The following USP21 variants were observed in gnomAD, a reference collection of about 807,000 sequenced individuals.
USP21 encodes ubiquitin specific peptidase 21, also known as ubiquitin carboxyl-terminal hydrolase 21.
USP21 carries 37 observed loss-of-function variants against 70.8 expected under a neutral mutation model. The ratio of observed to expected loss-of-function variants is 0.52; its 90% CI spans 0.40 to 0.69. The LOEUF is 0.69. USP21 is among the 30% of genes least tolerant of loss of function. USP21 has a pLI of 0.00. For missense variants in USP21, 584 were observed against 740.8 expected, an observed-to-expected ratio of 0.79 and a Z score of 2.46; for synonymous variants, 263 against 283.1, an observed-to-expected ratio of 0.93 and a Z score of 0.71.
chr1:161,163,797 G>A, intron 8 of USP21, 81 bp from the exon 9 acceptor site: 1 of 1,422,012 alleles, frequency 7.0e-7, no homozygotes, highest in Non-Finnish European at 9.9e-7. Context: ...AAGCAAAGGG[G>A]CAGGAAGAGA....
rs754786170 is a variant in USP21, at chr1:161,165,021, C to A, written c.1493-8C>A. On this transcript the variant is annotated splice_polypyrimidine_tract_variant and splice_region_variant and intron_variant, in intron 12 of 13. Transcript: ENST00000368002. The stretch of plus-strand genomic sequence containing the variant: ...GATTATAGAACTTGATCATCTCCAA[C>A]CCCGCAGGAAGTCCTGTATACCAGC... The A allele has an allele frequency of 1.2e-6, 2 of 1,613,908 alleles. No individual in the cohort carries two copies. Among genetic ancestry groups the A allele is most frequent in the Non-Finnish European group, 1.7e-6 (2 of 1,179,828 alleles).
rs759996506 is a variant in USP21, at chr1:161,162,107, A to G, written c.660+10A>G. 25 of 1,613,810 alleles carry G rather than the reference A, an allele frequency of 1.5e-5. No homozygotes were observed. In the African/African-American group the frequency reaches 2.0e-4, roughly 13 times the overall value. ...AAACCTGGGAAACACGGTGAGAGCT[A>G]TTCTCCTATCTTTCCTCTCTAAAAG... is the stretch of plus-strand genomic sequence containing the variant. On this transcript the variant is annotated intron_variant, in intron 4 of 13. Coordinates refer to ENST00000368002, the MANE Select transcript of USP21 (RefSeq NM_001014443.3). The surrounding 1 kb of genome is among the most constrained non-coding windows in gnomAD (Gnocchi z 4.1).
Position 161,164,994 on chromosome 1 carries a change from C to G in USP21, c.1493-35C>G. On this transcript the variant is annotated intron_variant, in intron 12 of 13. Transcript: ENST00000368002. The surrounding 1 kb of genome is among the most constrained non-coding windows in gnomAD (Gnocchi z 4.2). ...GAGCCAAAGGAGTGGGGGCACAGCT[C>G]TGATTATAGAACTTGATCATCTCCA... The G allele has an allele frequency of 6.2e-7, 1 of 1,613,192 alleles. No individual in the cohort carries two copies. Among genetic ancestry groups the G allele is most frequent in the Non-Finnish European group, 8.5e-7 (1 of 1,179,236 alleles).
At chr1:161,163,173 G>C in intron 7 of USP21, 99 bp downstream of exon 7, 1 of 1,400,706 alleles carries the variant, frequency 7.1e-7, no homozygotes, top group Non-Finnish European at 9.7e-7. Flanking sequence ...TAGGGTCCAG[G>C]GAAACCCTTT....
In USP21 at chr1:161,164,306, T is replaced by C; in HGVS notation, c.1305+56T>C. 4 of 1,534,864 alleles carry C rather than the reference T, an allele frequency of 2.6e-6. No homozygotes were observed. Among genetic ancestry groups the C allele is most frequent in the Non-Finnish European group, 3.6e-6 (4 of 1,108,232 alleles). On this transcript the variant is annotated intron_variant, in intron 10 of 13. Coordinates refer to ENST00000368002, the MANE Select transcript of USP21 (RefSeq NM_001014443.3). This position sits in a 1 kb window ranked among gnomAD's most constrained non-coding sequence, Gnocchi z 4.2. ...GGGTGGGAGACCTGGGGGGACTCCA[T>C]GTGGATAAAAGGGATTGCATGATGT... is the stretch of plus-strand genomic sequence containing the variant.
In USP21 at chr1:161,162,575, C is replaced by G; in HGVS notation, c.782-40C>G. ...CCACCTTTTGCTTGCCTCTTCCAGA[C>G]ATTAACCTTTGTTTGCCTTCCCCAC... On this transcript the variant is annotated intron_variant, in intron 5 of 13. Coordinates refer to ENST00000368002, the MANE Select transcript of USP21 (RefSeq NM_001014443.3). This position sits in a 1 kb window ranked among gnomAD's most constrained non-coding sequence, Gnocchi z 4.1. The G allele has an allele frequency of 6.4e-7, 1 of 1,559,480 alleles. No homozygotes were observed. Among genetic ancestry groups the G allele is most frequent in the Non-Finnish European group, 8.8e-7 (1 of 1,130,846 alleles).
chr1:161,160,380 A>G lies in USP21; in HGVS notation c.-148A>G. The G allele has an allele frequency of 1.8e-6, 1 of 557,012 alleles. No individual in the cohort carries two copies. The allele number at this position is 557,012 out of a possible 1,614,324, so 34.5% of individuals were successfully genotyped here. On this transcript the variant is annotated 5_prime_UTR_variant, in exon 2 of 14. An upstream start codon of the reference 5' UTR is lost. Coordinates refer to ENST00000368002, the MANE Select transcript of USP21 (RefSeq NM_001014443.3). The stretch of plus-strand genomic sequence containing the variant: ...CACGATGCCAGGTACTGGGGATACG[A>G]TGGCTGATTCGATAGATCTGGTTCC...
Position 161,161,345 on chromosome 1 carries a change from C to T in USP21, c.600+105C>T, listed in dbSNP as rs1009741486. 6 of 1,396,324 alleles carry T rather than the reference C, an allele frequency of 4.3e-6. No individual in the cohort carries two copies. Among genetic ancestry groups the T allele is most frequent in the Non-Finnish European group, 5.8e-6 (6 of 1,038,474 alleles). 86.5% of individuals were successfully genotyped at this position (1,396,324 alleles called of 1,614,324 possible). The stretch of plus-strand genomic sequence containing the variant: ...CATTTCCCTGAAGTTCCTTTCTCAG[C>T]CCTTCATTACAGCAGTTTGGACATG... On this transcript the variant is annotated intron_variant, in intron 3 of 13. Transcript: ENST00000368002. This position sits in a 1 kb window ranked among gnomAD's most constrained non-coding sequence, Gnocchi z 4.2.
chr1:161,165,199 T>C, intron 13 of USP21, 56 bp downstream of exon 13: 1 of 1,520,618 alleles, frequency 6.6e-7, no homozygotes, highest in South Asian at 1.1e-5. Context: ...CCTGACACCC[T>C]CCCCTTCTAT....
At position 161,163,598 on chromosome 1, in the gene USP21, C is replaced by T. The variant is rs1165785436; in HGVS notation, c.1093C>T (p.Arg365Ter). 2 of 1,607,780 alleles carry T rather than the reference C, an allele frequency of 1.2e-6. No homozygotes were observed. Among genetic ancestry groups the T allele is most frequent in the Non-Finnish European group, 1.7e-6 (2 of 1,179,160 alleles). ...ANLMWKRYLE[R>*]EDSKIVDLFV... ...CCTAATGTGGAAACGTTACCTGGAG[C>T]GAGAGGACAGCAAGATTGTGGGTAT... The change falls in exon 8 of 14, where the codon CGA (arginine) becomes TGA (stop). Residue 365 changes from arginine (R) to a stop codon, truncating the protein, a stop_gained. Transcript: ENST00000368002. LOFTEE classifies it high-confidence loss of function.
intron 7 of USP21, 102 bp from the exon 8 acceptor site, chr1:161,163,453 G>A: frequency 1.5e-5 from 16 of 1,044,918 alleles, no homozygotes; most frequent in South Asian, 7.9e-5. Flanking sequence ...GCAGGGGTGT[G>A]GATGGGGAGT....
chr1:161,162,096 C>T lies in USP21; in HGVS notation c.659C>T (p.Thr220Met), dbSNP rs763336520. Reference protein sequence around the residue: ...GHVGLRNLGNTCFLNAVLQCL... With the variant: ...GHVGLRNLGNMCFLNAVLQCL... ...GTTGGCCTTCGAAACCTGGGAAACA[C>T]GGTGAGAGCTATTCTCCTATCTTTC... The change falls in exon 4 of 14, where the codon ACG becomes ATG. Residue 220 changes from threonine to methionine, a missense_variant and splice_region_variant. Physicochemically the swap from Thr to Met is moderately conservative, Grantham distance 81. Around this residue, in one of 4 missense-constraint regions of USP21, gnomAD observed 87 missense variants for 162.4 expected, o/e 0.54. Transcript: ENST00000368002. This position sits in a 1 kb window ranked among gnomAD's most constrained non-coding sequence, Gnocchi z 4.1. 5.0e-6 allele frequency: 8 copies of T among 1,614,058 alleles called. No individual in the cohort carries two copies. Among genetic ancestry groups the T allele is most frequent in the Non-Finnish European group, 6.8e-6 (8 of 1,179,970 alleles).
At position 161,164,157 on chromosome 1, in the gene USP21, C is replaced by T; in HGVS notation, c.1219-7C>T. 1 of 1,613,824 alleles carries T rather than the reference C, an allele frequency of 6.2e-7. No individual in the cohort carries two copies. The highest frequency in any genetic ancestry group is 8.5e-7 in the Non-Finnish European group (1 of 1,179,734). ...ACATGTTGACCTTTCTTCCCCTTTTCCCCCAGAAAGGATTTGCTGGGGGCA... is the reference window on the plus strand; with the variant it reads ...ACATGTTGACCTTTCTTCCCCTTTTTCCCCAGAAAGGATTTGCTGGGGGCA... On this transcript the variant is annotated splice_region_variant and splice_polypyrimidine_tract_variant and intron_variant, in intron 9 of 13. Coordinates refer to ENST00000368002, the MANE Select transcript of USP21 (RefSeq NM_001014443.3). The surrounding 1 kb of genome is among the most constrained non-coding windows in gnomAD (Gnocchi z 4.2).
Position 161,164,830 on chromosome 1 carries a change from C to T in USP21, c.1385-5C>T, listed in dbSNP as rs373034610. ...CCTCCCAAATGCTCCTTAACCAGGG[C>T]TTAGATCTGAATCGATTTTCTGCCT... On this transcript the variant is annotated splice_polypyrimidine_tract_variant and splice_region_variant and intron_variant, in intron 11 of 13. Transcript: ENST00000368002. The surrounding 1 kb of genome is among the most constrained non-coding windows in gnomAD (Gnocchi z 4.2). The T allele has an allele frequency of 4.3e-6, 7 of 1,612,970 alleles. No individual in the cohort carries two copies. The African/African-American group carries it at 8.0e-5, about 18-fold the overall frequency.
rs1657818202 is a variant in USP21, at chr1:161,160,480, G to T, written c.-48G>T. The T allele has an allele frequency of 1.1e-6, 1 of 912,958 alleles. No individual in the cohort carries two copies. The highest frequency in any genetic ancestry group is 1.7e-6 in the Non-Finnish European group (1 of 579,940). 56.6% of individuals were successfully genotyped at this position (912,958 alleles called of 1,614,324 possible). Reference sequence around the variant, plus strand: ...GATGACTGAGCCAACCACCTAATGTGGAAATGAGAGGACAGCAAGATTGTG... The same window carrying T: ...GATGACTGAGCCAACCACCTAATGTTGAAATGAGAGGACAGCAAGATTGTG... On this transcript the variant is annotated 5_prime_UTR_variant, in exon 2 of 14. Coordinates refer to ENST00000368002, the MANE Select transcript of USP21 (RefSeq NM_001014443.3).
chr1:161,164,679 T>C lies in USP21; in HGVS notation c.1384+67T>C, dbSNP rs879345722. ...CCATACATTCTCTTTCCTCCATGTT[T>C]CCAGAGAATTGAATTTTCCTTAGGA... On this transcript the variant is annotated intron_variant, in intron 11 of 13. Transcript: ENST00000368002. The surrounding 1 kb of genome is among the most constrained non-coding windows in gnomAD (Gnocchi z 4.2). 3.7e-6 allele frequency: 6 copies of C among 1,608,884 alleles called. No homozygotes were observed. The highest frequency in any genetic ancestry group is 5.1e-6 in the Non-Finnish European group (6 of 1,176,666).
In USP21 at chr1:161,165,095, C is replaced by G; in HGVS notation, c.1559C>G (p.Thr520Arg). The change falls in exon 13 of 14, where the codon ACA becomes AGA. Residue 520 changes from threonine (T) to arginine (R), a missense_variant. Physicochemically the swap from Thr to Arg is moderately conservative, Grantham distance 71. Around this residue, in one of 4 missense-constraint regions of USP21, gnomAD observed 173 missense variants for 268.2 expected, o/e 0.65. Coordinates refer to ENST00000368002, the MANE Select transcript of USP21 (RefSeq NM_001014443.3). ...GGCAGCGTCCACTATGGCCACTACACAGCCCTGTGCCGGTGCCAGACTGGT... is the reference window on the plus strand; with the variant it reads ...GGCAGCGTCCACTATGGCCACTACAGAGCCCTGTGCCGGTGCCAGACTGGT... ...HSGSVHYGHYTALCRCQTGWH... is the reference protein window; with the variant it reads ...HSGSVHYGHYRALCRCQTGWH... The G allele has an allele frequency of 1.2e-6, 2 of 1,614,096 alleles. No homozygotes were observed. Among genetic ancestry groups the G allele is most frequent in the Non-Finnish European group, 1.7e-6 (2 of 1,180,024 alleles).
Position 161,162,300 on chromosome 1 carries a change from A to G in USP21, c.691A>G (p.Ser231Gly). 4 of 1,613,076 alleles carry G rather than the reference A, an allele frequency of 2.5e-6. No individual in the cohort carries two copies. Among genetic ancestry groups the G allele is most frequent in the Non-Finnish European group, 3.4e-6 (4 of 1,179,434 alleles). Reference sequence around the variant, plus strand: ...CCTGAATGCTGTGCTGCAGTGTCTGAGCAGCACTCGACCTCTTCGGGACTT... The same window carrying G: ...CCTGAATGCTGTGCTGCAGTGTCTGGGCAGCACTCGACCTCTTCGGGACTT... ...CFLNAVLQCLSSTRPLRDFCL... is the reference protein window; with the variant it reads ...CFLNAVLQCLGSTRPLRDFCL... The change falls in exon 5 of 14, where the codon AGC becomes GGC. Residue 231 changes from serine (S) to glycine (G), a missense_variant. Physicochemically the swap from Ser to Gly is moderately conservative, Grantham distance 56 (BLOSUM62 0). Around this residue, in one of 4 missense-constraint regions of USP21, gnomAD observed 87 missense variants for 162.4 expected, o/e 0.54. Coordinates refer to ENST00000368002, the MANE Select transcript of USP21 (RefSeq NM_001014443.3). The surrounding 1 kb of genome is among the most constrained non-coding windows in gnomAD (Gnocchi z 4.1).
Position 161,163,466 on chromosome 1 carries a change from G to A in USP21, c.1050-89G>A, listed in dbSNP as rs576068216. On this transcript the variant is annotated intron_variant, in intron 7 of 13. Transcript: ENST00000368002. Reference sequence around the variant, plus strand: ...GAGCAGGGGTGTGGATGGGGAGTAGGGCTCTGTAGGTTGTTTCAGTGGGTG... The same window carrying A: ...GAGCAGGGGTGTGGATGGGGAGTAGAGCTCTGTAGGTTGTTTCAGTGGGTG... 198 of 1,199,856 alleles carry A rather than the reference G, an allele frequency of 1.7e-4. 3 individuals carry two copies. Among genetic ancestry groups the A allele is most frequent in the Non-Finnish European group, 1.3e-4 (102 of 809,978 alleles). The allele number at this position is 1,199,856 out of a possible 1,614,324, so 74.3% of individuals were successfully genotyped here. A position where few individuals can be genotyped will look rare whatever the true frequency, so the allele number is the denominator to read the frequency against.
Sources: gnomAD v4.1 joint callset for allele counts on GRCh38, gnomAD v4.1.1 for gene constraint, gnomAD v4.1.1 regional missense constraint, Gnocchi (gnomAD v3.1) non-coding constraint, MANE v1.5 for transcripts, NCBI Gene and HGNC (gene_info 2026-07-23, HGNC 2026-07-21) for gene names.